NOS1: variants seen among roughly 807,000 people sequenced by gnomAD.
NOS1 encodes the protein nitric oxide synthase 1, also known as NOS type I.
A neutral mutation model predicts 164.5 loss-of-function variants in NOS1; 51 were observed. The observed-to-expected ratio is 0.31, with a 90% CI of 0.25 to 0.39. The LOEUF (loss-of-function observed/expected upper bound fraction) is 0.39, where lower values mean the gene tolerates loss of function less well. Among genes scored for constraint, NOS1 ranks in the 10% least tolerant of loss-of-function variants. NOS1 has a pLI of 1.00. For missense variants in NOS1, 1,362 were observed against 1,885.6 expected, an observed-to-expected ratio of 0.72 and a Z score of 5.14; for synonymous variants, 719 against 745.8, an observed-to-expected ratio of 0.96 and a Z score of 0.59.
At position 117,243,319 on chromosome 12, in the gene NOS1, G is replaced by A. The variant is rs540391266; in HGVS notation, c.2940C>T (p.Ala980=). The change falls in exon 19 of 29, where the codon GCC becomes GCT. Residue 980 remains alanine, a synonymous_variant. Coordinates refer to ENST00000317775, the MANE Select transcript of NOS1 (RefSeq NM_000620.5). This position sits in a 1 kb window ranked among gnomAD's most constrained non-coding sequence, Gnocchi z 4.3. The part of the protein sequence containing the change: ...KRNKFRLTFV[A]EAPELTQGLS... Reference sequence around the variant, plus strand: ...TACCTTGTGTGAGTTCTGGAGCTTCGGCCACAAAGGTGAGGCGGAACTTGT... The same window carrying A: ...TACCTTGTGTGAGTTCTGGAGCTTCAGCCACAAAGGTGAGGCGGAACTTGT... 91 of 1,613,944 alleles carry A rather than the reference G, an allele frequency of 5.6e-5. No homozygotes were observed. The highest frequency in any genetic ancestry group is 6.9e-5 in the Non-Finnish European group (81 of 1,180,018).
Position 117,214,425 on chromosome 12 carries a change from G to GAT in NOS1, c.*883_*884insAT, listed in dbSNP as rs1956571884. On this transcript the variant is annotated 3_prime_UTR_variant, in exon 29 of 29. Transcript: ENST00000317775. ...CCCTTGGATGCTATTGCTGGAGGAGGGGGTCAGTCAATGGATGTGGCAAAG... is the reference window on the plus strand; with the variant it reads ...CCCTTGGATGCTATTGCTGGAGGAGGATGGGTCAGTCAATGGATGTGGCAAAG... The GAT allele has an allele frequency of 2.0e-6, 2 of 985,268 alleles. No individual in the cohort carries two copies. The highest frequency in any genetic ancestry group is 2.4e-6 in the Non-Finnish European group (2 of 829,942). 61.0% of individuals were successfully genotyped at this position (985,268 alleles called of 1,614,324 possible).
intron 21 of NOS1, among the ~76,000 whole-genome samples, chr12:117,232,662 C>T (rs1454334475): frequency 6.6e-6 from 1 of 151,444 alleles, no homozygotes; most frequent in Non-Finnish European, 1.5e-5. Context: ...GAAATTTGCC[C>T]GAGATCACAC....
intron 24 of NOS1, among the ~76,000 whole-genome samples, chr12:117,226,281 C>G (rs1318458855): frequency 6.6e-6 from 1 of 152,104 alleles, no homozygotes; most frequent in African/African-American, 2.4e-5. Flanking sequence ...AGGAAAAGCT[C>G]CAATGAATGG....
At chr12:117,251,459 G>A (rs1351160346) in intron 17 of NOS1, among the ~76,000 whole-genome samples, 1 of 151,950 alleles carries the variant, frequency 6.6e-6, no homozygotes, top group Non-Finnish European at 1.5e-5. Flanking sequence ...TGATTTCAAG[G>A]AATGTAGTAG....
At chr12:117,251,276 C>A (rs894280977) in intron 17 of NOS1, among the ~76,000 whole-genome samples, 4 of 152,136 alleles carry the variant, frequency 2.6e-5, no homozygotes, top group African/African-American at 9.7e-5. Context: ...TGTTTACAAG[C>A]CACCAGTTTA....
chr12:117,243,126 C>T lies in NOS1; in HGVS notation c.2962+171G>A, dbSNP rs1870323725. 6.6e-6 allele frequency among the ~76,000 whole-genome samples: 1 copy of T among 152,140 alleles called. No homozygotes were observed. The highest frequency in any genetic ancestry group is 6.5e-5 in the Admixed American group (1 of 15,272). On this transcript the variant is annotated intron_variant, in intron 19 of 28. Transcript: ENST00000317775. This position sits in a 1 kb window ranked among gnomAD's most constrained non-coding sequence, Gnocchi z 4.3. ...AGAGAGAGAGGGAAACATTTACCAG[C>T]ACTTGTTTTACTGAGTGTGGGAGAG... is the stretch of plus-strand genomic sequence containing the variant.
Position 117,311,512 on chromosome 12 carries a change from C to T in NOS1, c.806G>A (p.Gly269Asp), listed in dbSNP as rs1233390846. ...GTTGTTGAGGACGACAGGCACATTGCCCTTCCCCCATAGGTCATTGAAGAC... is the reference window on the plus strand; with the variant it reads ...GTTGTTGAGGACGACAGGCACATTGTCCTTCCCCCATAGGTCATTGAAGAC... ...DRVFNDLWGK[G>D]NVPVVLNNPY... The change falls in exon 3 of 29, where the codon GGC (glycine) becomes GAC (aspartate). Residue 269 changes from glycine to aspartate, a missense_variant. By Grantham distance (94) the Gly-to-Asp change is moderately conservative (BLOSUM62 -1). This residue lies in a region of NOS1 where 362 missense variants were observed against 402.0 expected (regional missense o/e 0.90). Transcript: ENST00000317775. The T allele has an allele frequency of 2.5e-6, 4 of 1,612,466 alleles. No individual in the cohort carries two copies. Among genetic ancestry groups the T allele is most frequent in the Non-Finnish European group, 3.4e-6 (4 of 1,179,372 alleles).
At chr12:117,287,768 C>A (rs1872804011) in intron 5 of NOS1, among the ~76,000 whole-genome samples, 1 of 152,182 alleles carries the variant, frequency 6.6e-6, no homozygotes, top group Non-Finnish European at 1.5e-5. Flanking sequence ...TAATTTTTTC[C>A]TGCTATAAAC....
intron 1 of NOS1, among the ~76,000 whole-genome samples, chr12:117,342,155 A>ATCTTT (rs940361727): frequency 1.3e-5 from 2 of 150,990 alleles, no homozygotes; most frequent in African/African-American, 4.9e-5. Context: ...GCCTCCTCTC[A>ATCTTT]TCTTTTCTTT....
chr12:117,235,370 ACC>A (rs1432812253), intron 20 of NOS1, among the ~76,000 whole-genome samples: 1 of 151,914 alleles, frequency 6.6e-6, no homozygotes, highest in African/African-American at 2.4e-5. Context: ...GGATTCTAGC[ACC>A]CCATTCTCAG....
intron 5 of NOS1, 29 bp downstream of exon 5, chr12:117,288,045 C>G (rs759461794): frequency 6.2e-7 from 1 of 1,612,350 alleles, no homozygotes; most frequent in Non-Finnish European, 8.5e-7. Context: ...TAACTTACCT[C>G]GGGCTCCCCG....
intron 1 of NOS1, among the ~76,000 whole-genome samples, chr12:117,350,929 C>T (rs1183298093): frequency 2.0e-5 from 3 of 152,084 alleles, no homozygotes; most frequent in Admixed American, 6.5e-5. Flanking sequence ...CTGGCTAACA[C>T]GGTGAAACCC....
chr12:117,277,701 A>C (rs370232283), intron 9 of NOS1, among the ~76,000 whole-genome samples: 2 of 152,228 alleles, frequency 1.3e-5, no homozygotes, highest in East Asian at 3.9e-4. Flanking sequence ...GGCTGGAAGA[A>C]GGGCAGGTCC....
rs1024070630 is a variant in NOS1, at chr12:117,243,883, T to C, written c.2824-448A>G. Among the ~76,000 whole-genome samples the C allele has an allele frequency of 2.6e-5, 4 of 151,556 alleles. No individual in the cohort carries two copies. Among genetic ancestry groups the C allele is most frequent in the Non-Finnish European group, 5.9e-5 (4 of 67,922 alleles). On this transcript the variant is annotated intron_variant, in intron 18 of 28. Coordinates refer to ENST00000317775, the MANE Select transcript of NOS1 (RefSeq NM_000620.5). The surrounding 1 kb of genome is among the most constrained non-coding windows in gnomAD (Gnocchi z 4.3). The stretch of plus-strand genomic sequence containing the variant: ...ATCTACCCACCCACCCACCTATCCA[T>C]CTATCTTTCCATGCAGGCATGCATC...
At chr12:117,256,690 T>C (rs1207355204) in intron 16 of NOS1, among the ~76,000 whole-genome samples, 4 of 152,128 alleles carry the variant, frequency 2.6e-5, no homozygotes, top group Non-Finnish European at 5.9e-5. Context: ...AAATACTGAG[T>C]TGGCCTCATG....
Position 117,242,655 on chromosome 12 carries a change from G to T in NOS1, c.3013C>A (p.Arg1005Ser), listed in dbSNP as rs758653629. ...GATTTAGGGCTCTGGAGGTTTTGAC[G>T]GCTAAGGAGCCGGGCAGCTGAGACT... ...KRVSAARLLS[R>S]QNLQSPKSSR... The change falls in exon 20 of 29, where the codon CGT becomes AGT. Residue 1005 changes from arginine to serine, a missense_variant. By Grantham distance (110) the Arg-to-Ser change is moderately radical. This residue lies in a region of NOS1 where 737 missense variants were observed against 1,030.3 expected (regional missense o/e 0.72). Coordinates refer to ENST00000317775, the MANE Select transcript of NOS1 (RefSeq NM_000620.5). 6.2e-7 allele frequency: 1 copy of T among 1,614,156 alleles called. No individual in the cohort carries two copies.
At chr12:117,348,544 T>C (rs1876465952) in intron 1 of NOS1, among the ~76,000 whole-genome samples, 1 of 152,236 alleles carries the variant, frequency 6.6e-6, no homozygotes. Flanking sequence ...ATTTATTTAA[T>C]ATTTTCCCTT....
chr12:117,223,880 CT>C (rs1401329072), intron 25 of NOS1, among the ~76,000 whole-genome samples: 1 of 152,202 alleles, frequency 6.6e-6, no homozygotes, highest in Non-Finnish European at 1.5e-5. Context: ...TCTCGAACTC[CT>C]GACCTCAAGT....
intron 2 of NOS1, among the ~76,000 whole-genome samples, chr12:117,328,123 C>T (rs1375727417): frequency 6.6e-6 from 1 of 150,820 alleles, no homozygotes; most frequent in Non-Finnish European, 1.5e-5. Context: ...CATCCCCTCT[C>T]CCACCCCCTA....
Sources: allele counts gnomAD v4.1 joint callset (sites outside exome capture counted in the v4.1 genomes callset), GRCh38; gene constraint gnomAD v4.1.1; regional missense constraint gnomAD v4.1.1; non-coding constraint Gnocchi (gnomAD v3.1); transcripts MANE v1.5; gene names NCBI Gene and HGNC (gene_info 2026-07-23, HGNC 2026-07-21).